The following SLC4A10 variants were observed in gnomAD, a reference collection of about 807,000 sequenced individuals.
SLC4A10 encodes solute carrier family 4 member 10, also known as sodium-driven chloride bicarbonate exchanger.
Under a neutral mutation model 137.7 loss-of-function variants are expected in SLC4A10, and 42 were observed. The observed-to-expected ratio is 0.30, with a 90% CI of 0.24 to 0.39. SLC4A10 has a LOEUF of 0.39. Ranked by LOEUF, SLC4A10 falls within the 10% of genes least tolerant of loss-of-function variation. The probability of loss-of-function intolerance (pLI) is 1.00; values close to 1 mark genes in which losing one functional copy is unlikely to be tolerated. For synonymous variants in SLC4A10, 474 were observed against 464.1 expected (o/e 1.02, Z -0.27); for missense variants, 925 against 1,355.0 (o/e 0.68, Z 4.98).
At chr2:161,827,452 G>A (rs924429527) in intron 3 of SLC4A10, among the ~76,000 whole-genome samples, 1 of 152,154 alleles carries the variant, frequency 6.6e-6, no homozygotes, top group Non-Finnish European at 1.5e-5. Flanking sequence ...TTAATGGCAT[G>A]ATTATTCTAC....
intron 1 of SLC4A10, among the ~76,000 whole-genome samples, chr2:161,754,302 T>A (rs2049341375): frequency 1.3e-5 from 2 of 152,118 alleles, no homozygotes; most frequent in African/African-American, 4.8e-5. Context: ...CAGATTTAGA[T>A]TCCAAGTGGG....
chr2:161,705,140 T>C (rs2043517623), intron 1 of SLC4A10, among the ~76,000 whole-genome samples: 1 of 151,580 alleles, frequency 6.6e-6, no homozygotes, highest in Admixed American at 6.6e-5. Flanking sequence ...TTACTGTTTC[T>C]CAACCTAAAA....
At chr2:161,717,888 T>A (rs2045119404) in intron 1 of SLC4A10, among the ~76,000 whole-genome samples, 1 of 152,212 alleles carries the variant, frequency 6.6e-6, no homozygotes. Flanking sequence ...TCTTTGTACC[T>A]CTGGTAGAAT....
chr2:161,686,703 C>G (rs111745069), intron 1 of SLC4A10, among the ~76,000 whole-genome samples: 7 of 152,200 alleles, frequency 4.6e-5, no homozygotes, highest in Non-Finnish European at 1.0e-4. Flanking sequence ...GATTGATGCC[C>G]TGACATTGGC....
intron 17 of SLC4A10, among the ~76,000 whole-genome samples, chr2:161,948,284 A>C (rs1421151208): frequency 6.6e-6 from 1 of 152,140 alleles, no homozygotes; most frequent in Non-Finnish European, 1.5e-5. Flanking sequence ...AAAAAGGAAA[A>C]GAAACAAGGA....
intron 2 of SLC4A10, among the ~76,000 whole-genome samples, chr2:161,771,349 A>T (rs897461303): frequency 6.6e-6 from 1 of 151,868 alleles, no homozygotes; most frequent in African/African-American, 2.4e-5. Flanking sequence ...ATTACAATCA[A>T]TTGAGACATG....
At chr2:161,656,954 A>G (rs2037624834) in intron 1 of SLC4A10, among the ~76,000 whole-genome samples, 1 of 152,228 alleles carries the variant, frequency 6.6e-6, no homozygotes, top group Non-Finnish European at 1.5e-5. Flanking sequence ...AATATTATGT[A>G]GTCAAATATG....
intron 21 of SLC4A10, among the ~76,000 whole-genome samples, chr2:161,960,993 A>G (rs1696607718): frequency 6.6e-6 from 1 of 152,194 alleles, no homozygotes; most frequent in South Asian, 2.1e-4. Flanking sequence ...TGTCCCTTGA[A>G]AAGTCTTGTT....
intron 6 of SLC4A10, among the ~76,000 whole-genome samples, chr2:161,863,425 A>G (rs2060546632): frequency 6.6e-6 from 1 of 152,190 alleles, no homozygotes; most frequent in Non-Finnish European, 1.5e-5. Flanking sequence ...CTTACGCCAT[A>G]GATGGTCTTT....
chr2:161,717,348 G>A (rs2389426), intron 1 of SLC4A10, among the ~76,000 whole-genome samples: 11,472 of 152,282 alleles, frequency 0.075, 543 homozygotes, highest in East Asian at 0.14. Flanking sequence ...GGAGTGGTGA[G>A]AGAGCATCCT....
intron 4 of SLC4A10, among the ~76,000 whole-genome samples, chr2:161,854,158 G>C (rs890800330): frequency 6.6e-6 from 1 of 152,162 alleles, no homozygotes; most frequent in Non-Finnish European, 1.5e-5. Context: ...CATTAGAAAT[G>C]GTGAAACTAA....
At chr2:161,846,682 G>A (rs2059518070) in intron 4 of SLC4A10, among the ~76,000 whole-genome samples, 1 of 152,156 alleles carries the variant, frequency 6.6e-6, no homozygotes, top group African/African-American at 2.4e-5. Context: ...TAACTTGAAT[G>A]TATATCAAGG....
intron 15 of SLC4A10, among the ~76,000 whole-genome samples, chr2:161,936,392 G>A (rs1691593897): frequency 6.6e-6 from 1 of 152,082 alleles, no homozygotes; most frequent in South Asian, 2.1e-4. Context: ...GATGATTTCA[G>A]CACTGAAGCC....
chr2:161,646,772 T>A (rs6432694), intron 1 of SLC4A10, among the ~76,000 whole-genome samples: 133,010 of 151,964 alleles, frequency 0.88, 58,754 homozygotes, highest in East Asian at 1. Flanking sequence ...ATTAGACATA[T>A]CCAGTGCCAT....
In SLC4A10 at chr2:161,890,130, T is replaced by G. The variant is rs192572682; in HGVS notation, c.1195-4549T>G. 7.2e-4 allele frequency among the ~76,000 whole-genome samples: 110 copies of G among 152,336 alleles called. 2 individuals are homozygous for G. In the East Asian group the frequency reaches 0.021, roughly 29 times the overall value. ...AGTTTCTTAATCCTGAGTTCTAATT[T>G]GATTGCACTGTGGTCTGAGAGACTG... On this transcript the variant is annotated intron_variant, in intron 10 of 26. Coordinates refer to ENST00000446997, the MANE Select transcript of SLC4A10 (RefSeq NM_001178015.2).
At chr2:161,771,491 A>C (rs1278835431) in intron 2 of SLC4A10, among the ~76,000 whole-genome samples, 2 of 151,792 alleles carry the variant, frequency 1.3e-5, no homozygotes, top group African/African-American at 2.4e-5. Context: ...GGGAAGAAGG[A>C]TGCCTAATTC....
chr2:161,941,625 T>C lies in SLC4A10; in HGVS notation c.1998-1167T>C, dbSNP rs139232421. ...CTGGCCAGAACCACTCCATGTTCAG[T>C]GTTCTCTTATTGGGAAGGAATGCTA... On this transcript the variant is annotated intron_variant, in intron 15 of 26. Coordinates refer to ENST00000446997, the MANE Select transcript of SLC4A10 (RefSeq NM_001178015.2). Among the ~76,000 whole-genome samples, 144 of 152,276 alleles carry C rather than the reference T, an allele frequency of 9.5e-4. No individual in the cohort carries two copies. In the Middle Eastern group the frequency reaches 0.02, roughly 22 times the overall value.
intron 1 of SLC4A10, among the ~76,000 whole-genome samples, chr2:161,698,111 C>T (rs1172635787): frequency 6.6e-6 from 1 of 152,122 alleles, no homozygotes; most frequent in African/African-American, 2.4e-5. Flanking sequence ...CTCTGTTTGT[C>T]TGTTATTGGT....
chr2:161,901,435 G>A (rs1194330854), intron 12 of SLC4A10, among the ~76,000 whole-genome samples: 1 of 152,216 alleles, frequency 6.6e-6, no homozygotes, highest in Non-Finnish European at 1.5e-5. Flanking sequence ...TTTTATGGCT[G>A]TGATTTGAAA....
Sources: gnomAD v4.1 joint callset for allele counts (sites outside exome capture counted in the v4.1 genomes callset) on GRCh38, gnomAD v4.1.1 for gene constraint, MANE v1.5 for transcripts, NCBI Gene and HGNC (gene_info 2026-07-23, HGNC 2026-07-21) for gene names.